The following SFSWAP variants were observed in gnomAD, a reference collection of about 807,000 sequenced individuals.
SFSWAP encodes splicing factor, suppressor of white-apricot homolog.
SFSWAP carries 17 observed loss-of-function variants against 100.7 expected under a neutral mutation model. The ratio of observed to expected loss-of-function variants is 0.17; its 90% CI spans 0.12 to 0.25. The LOEUF (loss-of-function observed/expected upper bound fraction) is 0.25, where lower values mean the gene tolerates loss of function less well. Among genes scored for constraint, SFSWAP ranks in the 10% least tolerant of loss-of-function variants. SFSWAP has a pLI of 1.00. For missense variants in SFSWAP, 1,005 were observed against 1,262.6 expected (o/e 0.80, Z 3.09); for synonymous variants, 504 against 510.1 (o/e 0.99, Z 0.16).
At chr12:131,755,647 T>C (rs1368712001) in intron 10 of SFSWAP, among the ~76,000 whole-genome samples, 168 bp downstream of exon 10, 1 of 152,190 alleles carries the variant, frequency 6.6e-6, no homozygotes, top group African/African-American at 2.4e-5. Flanking sequence ...CCCTTAGCTC[T>C]GGAACCTGAT....
At chr12:131,795,268 G>A (rs572935670) in intron 15 of SFSWAP, among the ~76,000 whole-genome samples, 2 of 152,278 alleles carry the variant, frequency 1.3e-5, no homozygotes, top group African/African-American at 2.4e-5. Flanking sequence ...GGCAGGTCCC[G>A]CCTTGTTTGA....
At chr12:131,775,538 C>T (rs1408966341) in intron 13 of SFSWAP, among the ~76,000 whole-genome samples, 1 of 152,204 alleles carries the variant, frequency 6.6e-6, no homozygotes, top group Non-Finnish European at 1.5e-5. Context: ...AGGATGTGCT[C>T]AGCTCGCAAA....
intron 7 of SFSWAP, among the ~76,000 whole-genome samples, chr12:131,751,848 T>C (rs1881679936): frequency 6.6e-6 from 1 of 152,260 alleles, no homozygotes; most frequent in South Asian, 2.1e-4. Flanking sequence ...CCCGGCCTTT[T>C]CTCAGAAATG....
chr12:131,741,079 T>C (rs941267658), intron 7 of SFSWAP, among the ~76,000 whole-genome samples: 24 of 147,490 alleles, frequency 1.6e-4, no homozygotes, highest in African/African-American at 6.0e-4. Context: ...TTCAAGCAAT[T>C]CTCTGCCTCA....
chr12:131,776,450 T>C (rs1304627012), intron 13 of SFSWAP, among the ~76,000 whole-genome samples: 2 of 152,206 alleles, frequency 1.3e-5, no homozygotes, highest in Non-Finnish European at 2.9e-5. Flanking sequence ...TGGAAACTCA[T>C]CTTAAATTGG....
At position 131,754,598 on chromosome 12, in the gene SFSWAP, AT is replaced by A. The variant is rs995971712; in HGVS notation, c.1454+104del. The A allele has an allele frequency of 1.3e-5, 4 of 308,874 alleles. No homozygotes were observed. In the Admixed American group the frequency reaches 1.8e-4, roughly 14 times the overall value. The allele number at this position is 308,874 out of a possible 1,614,324, so 19.1% of individuals were successfully genotyped here. A position where few individuals can be genotyped will look rare whatever the true frequency, so the allele number is the denominator to read the frequency against. On this transcript the variant is annotated intron_variant, in intron 9 of 17. Transcript: ENST00000261674. ...AGGTACAGAATTAATTTTTTTATAT[AT>A]TTTTAAGCCTTTTCTTGGCTCAAAT... is the stretch of plus-strand genomic sequence containing the variant.
At chr12:131,762,095 T>C (rs1254719992) in intron 11 of SFSWAP, among the ~76,000 whole-genome samples, 1 of 152,156 alleles carries the variant, frequency 6.6e-6, no homozygotes, top group Admixed American at 6.5e-5. Context: ...TAGCTGGGCA[T>C]GGTGGCGAGC....
rs193259256 is a variant in SFSWAP, at chr12:131,768,417, T to C, written c.2142+2109T>C. On this transcript the variant is annotated intron_variant, in intron 13 of 17. Coordinates refer to ENST00000261674, the MANE Select transcript of SFSWAP (RefSeq NM_004592.4). ...GGAAAACAACATTCTAAGCTCAGACTTTTCAAATGATGCTGAAGGCTGAAT... is the reference window on the plus strand; with the variant it reads ...GGAAAACAACATTCTAAGCTCAGACCTTTCAAATGATGCTGAAGGCTGAAT... Among the ~76,000 whole-genome samples, 8 of 152,354 alleles carry C rather than the reference T, an allele frequency of 5.3e-5. 1 individual carries two copies. Among genetic ancestry groups the C allele is most frequent in the Admixed American group, 5.2e-4 (8 of 15,304 alleles).
At chr12:131,752,486 A>G (rs553345594) in intron 7 of SFSWAP, among the ~76,000 whole-genome samples, 1 of 152,256 alleles carries the variant, frequency 6.6e-6, no homozygotes, top group Non-Finnish European at 1.5e-5. Context: ...GACGGCATAC[A>G]TCACTGTCTG....
chr12:131,788,560 C>T (rs1217937658), intron 15 of SFSWAP, among the ~76,000 whole-genome samples: 1 of 151,734 alleles, frequency 6.6e-6, no homozygotes, highest in Non-Finnish European at 1.5e-5. Flanking sequence ...GGGTCTCACC[C>T]TGTTTCCCAG....
chr12:131,719,043 T>G (rs7305098), intron 3 of SFSWAP, among the ~76,000 whole-genome samples: 56,644 of 151,990 alleles, frequency 0.37, 10,891 homozygotes, highest in South Asian at 0.42. Context: ...AGCCAAACAC[T>G]GATCAGATTG....
chr12:131,774,544 C>G (rs1883862158), intron 13 of SFSWAP, among the ~76,000 whole-genome samples: 1 of 152,190 alleles, frequency 6.6e-6, no homozygotes, highest in Non-Finnish European at 1.5e-5. Flanking sequence ...ACGTCTGCCC[C>G]CCTACATTCA....
chr12:131,799,521 G>T lies in SFSWAP; in HGVS notation c.*33G>T. 1 of 1,605,432 alleles carries T rather than the reference G, an allele frequency of 6.2e-7. No homozygotes were observed. Among genetic ancestry groups the T allele is most frequent in the Non-Finnish European group, 8.5e-7 (1 of 1,173,854 alleles). ...CCAGCGGAGGCAGAGCCGGGAGGCTGCGTGGGCTTCTGGGCAGGCTCACGC... is the reference window on the plus strand; with the variant it reads ...CCAGCGGAGGCAGAGCCGGGAGGCTTCGTGGGCTTCTGGGCAGGCTCACGC... On this transcript the variant is annotated 3_prime_UTR_variant, in exon 18 of 18. Coordinates refer to ENST00000261674, the MANE Select transcript of SFSWAP (RefSeq NM_004592.4).
chr12:131,761,183 A>G (rs1373037237), intron 11 of SFSWAP, among the ~76,000 whole-genome samples: 4 of 152,170 alleles, frequency 2.6e-5, no homozygotes, highest in African/African-American at 4.8e-5. Flanking sequence ...TTTTTTTTCC[A>G]TATTGGAATT....
chr12:131,788,134 G>C (rs904200580), intron 15 of SFSWAP, among the ~76,000 whole-genome samples: 1 of 152,188 alleles, frequency 6.6e-6, no homozygotes, highest in South Asian at 2.1e-4. Flanking sequence ...AACAGAAGAG[G>C]CCTTGCTTTG....
intron 13 of SFSWAP, among the ~76,000 whole-genome samples, chr12:131,771,832 T>G (rs1430084071): frequency 1.3e-5 from 2 of 151,996 alleles, no homozygotes; most frequent in African/African-American, 4.8e-5. Context: ...CCAGGTAATT[T>G]TTGTATTTTT....
intron 4 of SFSWAP, among the ~76,000 whole-genome samples, chr12:131,722,700 C>A (rs1878592570): frequency 6.6e-6 from 1 of 151,980 alleles, no homozygotes; most frequent in South Asian, 2.1e-4. Flanking sequence ...GTGATCCCAG[C>A]ACTTTGGGAG....
chr12:131,729,516 G>A lies in SFSWAP; in HGVS notation c.1081+1088G>A, dbSNP rs565911680. On this transcript the variant is annotated intron_variant, in intron 7 of 17. Coordinates refer to ENST00000261674, the MANE Select transcript of SFSWAP (RefSeq NM_004592.4). ...AGTACCCTGTCTCAAAAAGAAGAAAGAAAAAGAGGCTTACAGCATAAGTTA... is the reference window on the plus strand; with the variant it reads ...AGTACCCTGTCTCAAAAAGAAGAAAAAAAAAGAGGCTTACAGCATAAGTTA... Among the ~76,000 whole-genome samples the A allele has an allele frequency of 1.9e-3, 285 of 152,186 alleles. 3 individuals are homozygous for A. Among genetic ancestry groups the A allele is most frequent in the African/African-American group, 6.3e-3 (263 of 41,546 alleles).
At chr12:131,785,102 C>T (rs1193441612) in intron 14 of SFSWAP, 12 of 1,535,508 alleles carry the variant, frequency 7.8e-6, no homozygotes, top group East Asian at 2.4e-5. Flanking sequence ...ACGCTGCGCG[C>T]GGAGCCCTGT....
Sources: allele counts gnomAD v4.1 joint callset (sites outside exome capture counted in the v4.1 genomes callset), GRCh38; gene constraint gnomAD v4.1.1; transcripts MANE v1.5; gene names NCBI Gene and HGNC (gene_info 2026-07-23, HGNC 2026-07-21).